MATR3: variants seen among roughly 807,000 people sequenced by gnomAD.
MATR3 encodes matrin-3.
A neutral mutation model predicts 85.5 loss-of-function variants in MATR3; 4 were observed. The observed-to-expected ratio is 0.05, with a 90% CI of 0.02 to 0.11. MATR3 has a LOEUF of 0.11. Ranked by LOEUF, MATR3 falls within the 10% of genes least tolerant of loss-of-function variation. The pLI is 1.00. For missense variants in MATR3, 685 were observed against 1,016.1 expected (o/e 0.67, Z 4.43); for synonymous variants, 336 against 343.1 (o/e 0.98, Z 0.23).
chr5:139,298,300 A>G (rs948549855), intron 1 of MATR3, among the ~76,000 whole-genome samples: 2 of 152,184 alleles, frequency 1.3e-5, no homozygotes, highest in Non-Finnish European at 2.9e-5. Flanking sequence ...GGCTGGGTGC[A>G]GTGATTCACA....
chr5:139,287,147 A>C (rs974198750), intron 3 of MATR3, among the ~76,000 whole-genome samples: 2 of 152,256 alleles, frequency 1.3e-5, no homozygotes, highest in Non-Finnish European at 2.9e-5. Flanking sequence ...TCTCATCAAA[A>C]GAAATTTCAA....
At chr5:139,323,745 T>G (rs968595064) in intron 12 of MATR3, among the ~76,000 whole-genome samples, 13 of 152,060 alleles carry the variant, frequency 8.5e-5, no homozygotes, top group African/African-American at 3.1e-4. Context: ...AATATGAAAA[T>G]TAGCCGGGCG....
Position 139,322,449 on chromosome 5 carries a change from CTT to C in MATR3, c.1735-11_1735-10del, listed in dbSNP as rs770177742. The C allele has an allele frequency of 2.5e-6, 4 of 1,600,400 alleles. No homozygotes were observed. In the Admixed American group the frequency reaches 6.7e-5, roughly 27 times the overall value. ...TGCAAATGTGTTAACTTCTGCAAAA[CTT>C]TTGTCTTTTAGATTCCAAACAGAGG... On this transcript the variant is annotated splice_polypyrimidine_tract_variant and intron_variant, in intron 10 of 14. Transcript: ENST00000394805.
chr5:139,311,479 G>A (rs1490302884), intron 2 of MATR3: 1 of 152,124 alleles, frequency 6.6e-6, no homozygotes, highest in East Asian at 1.9e-4. Context: ...AGTTTGGGAG[G>A]TATGTGATTG....
At chr5:139,308,459 C>A (rs1754817419) in intron 2 of MATR3, 132 bp downstream of exon 2, 3 of 1,065,694 alleles carry the variant, frequency 2.8e-6, no homozygotes, top group South Asian at 1.3e-5. Flanking sequence ...AGAACACTTA[C>A]TTTATTTGGA....
At chr5:139,293,031 T>C (rs1034720223), upstream of MATR3, among the ~76,000 whole-genome samples, 5 of 152,196 alleles carry the variant, frequency 3.3e-5, no homozygotes, top group African/African-American at 9.6e-5. Context: ...GCGGGAGCAC[T>C]GCTTGAGCCA....
In MATR3 at chr5:139,301,181, C is replaced by T. The variant is rs549282524; in HGVS notation, c.-177-6058C>T. Among the ~76,000 whole-genome samples, 247 of 152,194 alleles carry T rather than the reference C, an allele frequency of 1.6e-3. 2 individuals carry two copies. The highest frequency in any genetic ancestry group is 5.8e-3 in the African/African-American group (239 of 41,548). On this transcript the variant is annotated intron_variant, in intron 1 of 14. Coordinates refer to ENST00000394805, the MANE Select transcript of MATR3 (RefSeq NM_018834.6). ...TTTTATTTCCCACCACCCTTTTTGG[C>T]TCAAGGTCACACAGCTGTTTGTAAT...
intron 1 of MATR3, among the ~76,000 whole-genome samples, chr5:139,305,350 G>T (rs1000845236): frequency 6.6e-6 from 1 of 151,912 alleles, no homozygotes; most frequent in African/African-American, 2.4e-5. Flanking sequence ...AAATATGGCC[G>T]TTTTAAAAAT....
At chr5:139,302,606 G>T (rs2151947261) in intron 1 of MATR3, among the ~76,000 whole-genome samples, 1 of 152,272 alleles carries the variant, frequency 6.6e-6, no homozygotes, top group African/African-American at 2.4e-5. Context: ...TGCTTGGTTT[G>T]AAAGTCCTGA....
At chr5:139,277,957 C>T (rs999534456) in intron 2 of MATR3, among the ~76,000 whole-genome samples, 4 of 151,848 alleles carry the variant, frequency 2.6e-5, no homozygotes, top group Admixed American at 6.6e-5. Flanking sequence ...AGGCCAGGCA[C>T]GGTGGCTCGC....
At chr5:139,313,586 C>T (rs1042162923) in intron 2 of MATR3, 1 of 151,816 alleles carries the variant, frequency 6.6e-6, no homozygotes, top group African/African-American at 2.4e-5. Flanking sequence ...CATTTTTTTC[C>T]TAAAGAAATT....
intron 2 of MATR3, among the ~76,000 whole-genome samples, chr5:139,309,741 T>C (rs1218373548): frequency 6.6e-6 from 1 of 152,190 alleles, no homozygotes; most frequent in African/African-American, 2.4e-5. Flanking sequence ...TTGGCTCTAC[T>C]AAATATATCA....
intron 3 of MATR3, among the ~76,000 whole-genome samples, chr5:139,285,065 T>G (rs1227505509): frequency 6.6e-6 from 1 of 152,192 alleles, no homozygotes; most frequent in Non-Finnish European, 1.5e-5. Context: ...CGAGAACTTG[T>G]GTGGTGCTGA....
At chr5:139,300,287 C>G (rs1175961197) in intron 1 of MATR3, among the ~76,000 whole-genome samples, 1 of 152,174 alleles carries the variant, frequency 6.6e-6, no homozygotes, top group East Asian at 1.9e-4. Context: ...ATCACGGGAA[C>G]CCGAGAGGCG....
At chr5:139,304,718 A>G (rs1489700560) in intron 1 of MATR3, among the ~76,000 whole-genome samples, 8 of 152,250 alleles carry the variant, frequency 5.3e-5, no homozygotes, top group Admixed American at 5.2e-4. Context: ...TACTATATTT[A>G]AAATTGTTTT....
chr5:139,293,874 A>G, intron 1 of MATR3, 69 bp downstream of exon 1: 8 of 769,700 alleles, frequency 1.0e-5, no homozygotes, highest in Non-Finnish European at 1.2e-5. Context: ...GGGAGGGGAC[A>G]ACGACGGCGA....
At chr5:139,281,522 A>G (rs1362705645) in intron 3 of MATR3, among the ~76,000 whole-genome samples, 2 of 150,896 alleles carry the variant, frequency 1.3e-5, no homozygotes, top group African/African-American at 4.9e-5. Context: ...TTTTTTTTGT[A>G]TTTTTAGTAG....
chr5:139,279,309 A>T, intron 3 of MATR3: 1 of 364,156 alleles, frequency 2.7e-6, no homozygotes, highest in South Asian at 2.1e-5. Context: ...GCTCACTGCA[A>T]CCTCTGCCTC....
At chr5:139,299,820 T>G (rs1398593663) in intron 1 of MATR3, 1 of 152,114 alleles carries the variant, frequency 6.6e-6, no homozygotes. Flanking sequence ...GCAGGAGGAC[T>G]AAGATTATGG....
Sources: allele counts gnomAD v4.1 joint callset (sites outside exome capture counted in the v4.1 genomes callset), GRCh38; gene constraint gnomAD v4.1.1; transcripts MANE v1.5; gene names NCBI Gene and HGNC (gene_info 2026-07-23, HGNC 2026-07-21).